SPMAP2: variants seen among roughly 807,000 people sequenced by gnomAD.
The protein encoded by SPMAP2 is Theg homolog.
the SPMAP2 span, among the ~76,000 whole-genome samples, chr19:368,316 G>T: frequency 6.6e-6 from 1 of 152,072 alleles, no homozygotes; most frequent in Non-Finnish European, 1.5e-5. This position sits in a 1 kb window ranked among gnomAD's most constrained non-coding sequence, Gnocchi z 4.1. Context: ...CCCTCCTCTC[G>T]CCTCATACGC....
chr19:374,228 GGA>G, the SPMAP2 span: 1 of 1,588,662 alleles, frequency 6.3e-7, no homozygotes, highest in Non-Finnish European at 8.6e-7. Flanking sequence ...GGGGACAGGA[GGA>G]GCCCGGGAAG....
chr19:368,102 C>T, the SPMAP2 span, among the ~76,000 whole-genome samples: 462 of 152,168 alleles, frequency 3.0e-3, 14 homozygotes, highest in East Asian at 0.065. This position sits in a 1 kb window ranked among gnomAD's most constrained non-coding sequence, Gnocchi z 4.1. Context: ...ACAGTGGCAG[C>T]CCTTTGGGGG....
At chr19:366,361 C>T in the SPMAP2 span, among the ~76,000 whole-genome samples, 28 of 152,012 alleles carry the variant, frequency 1.8e-4, no homozygotes, top group Admixed American at 1.8e-3. Flanking sequence ...TGAGTGCGTG[C>T]GTGTACCAGT....
chr19:366,906 C>A, the SPMAP2 span, among the ~76,000 whole-genome samples: 1 of 152,182 alleles, frequency 6.6e-6, no homozygotes, highest in African/African-American at 2.4e-5. Context: ...AAAACCCTCT[C>A]AGACAACACC....
At chr19:374,428 G>A in the SPMAP2 span, 6 of 1,613,920 alleles carry the variant, frequency 3.7e-6, no homozygotes, top group East Asian at 4.5e-5. Flanking sequence ...CCGGCTTTGG[G>A]AGAATTCCAC....
chr19:367,956 C>T, the SPMAP2 span, among the ~76,000 whole-genome samples: 19 of 152,290 alleles, frequency 1.2e-4, no homozygotes, highest in African/African-American at 4.1e-4. Context: ...ACGAACACCA[C>T]GAAACACGAC....
the SPMAP2 span, chr19:374,075 C>T: frequency 6.4e-6 from 10 of 1,552,270 alleles, no homozygotes; most frequent in South Asian, 1.1e-5. Flanking sequence ...TGCTCCCAAA[C>T]TCCTCACTCT....
At chr19:375,630 C>T in the SPMAP2 span, 106 of 1,524,120 alleles carry the variant, frequency 7.0e-5, no homozygotes, top group Middle Eastern at 1.8e-4. Context: ...CCTACCCCAC[C>T]GCACCCAGGC....
At chr19:370,303 A>C in the SPMAP2 span, among the ~76,000 whole-genome samples, 1 of 152,014 alleles carries the variant, frequency 6.6e-6, no homozygotes, top group Non-Finnish European at 1.5e-5. Context: ...AGATATGGAA[A>C]CTTACGCCTC....
the SPMAP2 span, among the ~76,000 whole-genome samples, chr19:369,664 C>T: frequency 6.6e-6 from 1 of 152,136 alleles, no homozygotes; most frequent in Non-Finnish European, 1.5e-5. Context: ...CTTTTAATCG[C>T]CTGGTGCAGG....
At chr19:370,749 C>T in the SPMAP2 span, among the ~76,000 whole-genome samples, 1 of 152,154 alleles carries the variant, frequency 6.6e-6, no homozygotes, top group Non-Finnish European at 1.5e-5. Flanking sequence ...GAACCGGCGA[C>T]GACAAGGAAT....
chr19:367,060 C>T, the SPMAP2 span: 2 of 1,612,806 alleles, frequency 1.2e-6, no homozygotes, highest in Non-Finnish European at 1.7e-6. Flanking sequence ...GAGGCACCTA[C>T]TTACTGGCCA....
At chr19:362,764 T>TAA in the SPMAP2 span, among the ~76,000 whole-genome samples, 1 of 81,464 alleles carries the variant, frequency 1.2e-5, no homozygotes, top group Non-Finnish European at 2.2e-5. Flanking sequence ...AGACTCCATC[T>TAA]TAAAAAAAAA....
the SPMAP2 span, among the ~76,000 whole-genome samples, chr19:362,714 G>A: frequency 3.1e-4 from 44 of 143,920 alleles, no homozygotes; most frequent in African/African-American, 2.4e-4. Flanking sequence ...TGCAGTGAGC[G>A]CAGATCGCGT....
the SPMAP2 span, chr19:375,734 A>T: frequency 2.5e-6 from 4 of 1,609,294 alleles, no homozygotes; most frequent in South Asian, 4.5e-5. Context: ...CCTCTTTGGG[A>T]TCCAGGGTCT....
chr19:367,474 T>C, the SPMAP2 span, among the ~76,000 whole-genome samples: 9 of 152,232 alleles, frequency 5.9e-5, no homozygotes, highest in African/African-American at 2.2e-4. Context: ...TCAATAACCC[T>C]GTCTTTTGAC....
chr19:371,001 C>T, the SPMAP2 span, among the ~76,000 whole-genome samples: 1 of 152,174 alleles, frequency 6.6e-6, no homozygotes, highest in African/African-American at 2.4e-5. Flanking sequence ...TTGGGATCCA[C>T]CCGGACTGAA....
chr19:373,018 A>G, the SPMAP2 span, among the ~76,000 whole-genome samples: 811 of 152,230 alleles, frequency 5.3e-3, 4 homozygotes, highest in African/African-American at 0.018. Flanking sequence ...GGCTGGGAAA[A>G]TGGGTTTTGT....
At chr19:375,597 C>G in the SPMAP2 span, 7 of 1,426,962 alleles carry the variant, frequency 4.9e-6, no homozygotes, top group South Asian at 1.5e-5. Flanking sequence ...CTGCTGCCCT[C>G]CCCCCACTGC....
Sources: gnomAD v4.1 joint callset for allele counts (sites outside exome capture counted in the v4.1 genomes callset) on GRCh38, gnomAD v4.1.1 for gene constraint, Gnocchi (gnomAD v3.1) non-coding constraint, MANE v1.5 for transcripts, NCBI Gene and HGNC (gene_info 2026-07-23, HGNC 2026-07-21) for gene names.